Variants in AFF2 observed in about 807,000 individuals in gnomAD.
The protein encoded by AFF2 is AF4/FMR2 family member 2.
In AFF2, 14 loss-of-function variants were observed where a neutral mutation model predicts 76.9. The ratio of observed to expected loss-of-function variants is 0.18; its 90% CI spans 0.12 to 0.28. The LOEUF is 0.28. Ranked by LOEUF, AFF2 falls within the 10% of genes least tolerant of loss-of-function variation. The pLI, the probability that AFF2 is intolerant of heterozygous loss-of-function variation, is 1.00. For missense variants in AFF2, 868 were observed against 1,001.1 expected, an observed-to-expected ratio of 0.87 and a Z score of 1.79; for synonymous variants, 398 against 366.7, an observed-to-expected ratio of 1.09 and a Z score of -0.98.
chrX:148,788,107 A>G (rs782224752), intron 3 of AFF2, among the ~76,000 whole-genome samples: 22 of 111,604 alleles, frequency 2.0e-4, no homozygotes, highest in Non-Finnish European at 3.6e-4. Context: ...CTAAAAGTTG[A>G]TCTATATCTC....
intron 7 of AFF2, among the ~76,000 whole-genome samples, chrX:148,849,441 C>T (rs782724506): frequency 5.7e-5 from 5 of 88,360 alleles, no homozygotes; most frequent in African/African-American, 1.7e-4. Context: ...AGGCAAACAT[C>T]GCTTCCTTTC....
chrX:148,830,047 G>C lies in AFF2; in HGVS notation c.1087-7600G>C, dbSNP rs782389711. On this transcript the variant is annotated intron_variant, in intron 4 of 20. Transcript: ENST00000370460. ...TGTATACATGAGATGAGCTTTCCAA[G>C]CTCTTACCATTCAGATAGCTGTCCC... Among the ~76,000 whole-genome samples the C allele has an allele frequency of 2.7e-5, 3 of 112,129 alleles. No homozygotes were observed. In the East Asian group the frequency reaches 8.5e-4, roughly 32 times the overall value.
rs186374418 is a variant in AFF2 at position 148,948,323 on chromosome X, A to G, written c.1398-5257A>G. 3.0e-3 allele frequency among the ~76,000 whole-genome samples: 333 copies of G among 112,019 alleles called. 3 individuals carry two copies. Among genetic ancestry groups the G allele is most frequent in the African/African-American group, 9.9e-3 (305 of 30,824 alleles). On this transcript the variant is annotated intron_variant, in intron 9 of 20. Transcript: ENST00000370460. Reference sequence around the variant, plus strand: ...ACAGGACATTCCTAGACTTGCCTTAAGGAGCAGATTGGATTGCACAAATGC... The same window carrying G: ...ACAGGACATTCCTAGACTTGCCTTAGGGAGCAGATTGGATTGCACAAATGC...
intron 3 of AFF2, among the ~76,000 whole-genome samples, chrX:148,806,679 G>A (rs1422494210): frequency 8.9e-6 from 1 of 111,760 alleles, no homozygotes; most frequent in Non-Finnish European, 1.9e-5. Flanking sequence ...CTGATGAATA[G>A]GCGGACAGGC....
chrX:148,941,666 A>G (rs1188198149), intron 9 of AFF2, among the ~76,000 whole-genome samples: 1 of 112,312 alleles, frequency 8.9e-6, no homozygotes, highest in Non-Finnish European at 1.9e-5. Context: ...CATTTTGTCA[A>G]TGAAACTGAA....
chrX:148,756,322 T>G, intron 3 of AFF2, among the ~76,000 whole-genome samples: 1 of 112,436 alleles, frequency 8.9e-6, no homozygotes, highest in East Asian at 2.8e-4. Flanking sequence ...GTAAGAACAG[T>G]TAGCAAATTA....
intron 15 of AFF2, among the ~76,000 whole-genome samples, chrX:148,969,225 A>G (rs2072218170): frequency 1.8e-5 from 2 of 113,220 alleles, no homozygotes; most frequent in East Asian, 2.8e-4. Context: ...TCCATTTAGA[A>G]TATGCATTCC....
At chrX:148,742,502 A>G (rs1557265763) in intron 3 of AFF2, among the ~76,000 whole-genome samples, 1 of 111,819 alleles carries the variant, frequency 8.9e-6, no homozygotes, top group African/African-American at 3.2e-5. Context: ...TCTAAAATAA[A>G]TGTAAGCATT....
At chrX:148,675,188 A>G (rs1298919401) in intron 3 of AFF2, among the ~76,000 whole-genome samples, 1 of 110,968 alleles carries the variant, frequency 9.0e-6, no homozygotes, top group Non-Finnish European at 1.9e-5. Flanking sequence ...GTGATGTAGA[A>G]TGAAGGAGAA....
intron 3 of AFF2, among the ~76,000 whole-genome samples, chrX:148,806,854 G>C (rs781808496): frequency 8.9e-6 from 1 of 112,163 alleles, no homozygotes; most frequent in Non-Finnish European, 1.9e-5. Context: ...TTTGCACTGT[G>C]CTAGGCACGT....
At chrX:148,939,400 T>C (rs782380347) in intron 9 of AFF2, among the ~76,000 whole-genome samples, 1 of 111,917 alleles carries the variant, frequency 8.9e-6, no homozygotes, top group African/African-American at 3.2e-5. Context: ...TTCAGACTTT[T>C]TGCCTTTATA....
intron 8 of AFF2, among the ~76,000 whole-genome samples, chrX:148,896,229 G>A (rs1198801186): frequency 1.8e-5 from 2 of 111,906 alleles, no homozygotes; most frequent in Non-Finnish European, 3.8e-5. Flanking sequence ...ATCCTGAAGA[G>A]GGAGGAATCT....
intron 2 of AFF2, 92 bp downstream of exon 2, chrX:148,652,223 T>C (rs890759857): frequency 1.2e-5 from 8 of 674,647 alleles, no homozygotes; most frequent in Non-Finnish European, 1.8e-5. Flanking sequence ...ACCCAACTCA[T>C]TTCCAGGGGA....
At chrX:148,940,558 C>T (rs73614018) in intron 9 of AFF2, among the ~76,000 whole-genome samples, 5,276 of 111,626 alleles carry the variant, frequency 0.047, 304 homozygotes, top group African/African-American at 0.16. Context: ...TTACCACCTG[C>T]CTGTTTGTCA....
intron 7 of AFF2, among the ~76,000 whole-genome samples, chrX:148,859,294 T>C (rs1341808885): frequency 9.1e-6 from 1 of 109,634 alleles, no homozygotes. Flanking sequence ...GATTAAATAA[T>C]CTGTACAATA....
chrX:148,890,041 T>C (rs2071205011), intron 8 of AFF2, among the ~76,000 whole-genome samples: 1 of 112,082 alleles, frequency 8.9e-6, no homozygotes, highest in South Asian at 3.7e-4. Flanking sequence ...TACTTTCCCT[T>C]TTCTTGTAAG....
intron 1 of AFF2, among the ~76,000 whole-genome samples, chrX:148,632,592 G>A (rs1032821944): frequency 8.9e-6 from 1 of 111,759 alleles, no homozygotes. Flanking sequence ...TACTGTTGTT[G>A]AGATACTTAG....
At position 148,949,948 on chromosome X, in the gene AFF2, T is replaced by A. The variant is rs187960272; in HGVS notation, c.1398-3632T>A. 2.2e-4 allele frequency among the ~76,000 whole-genome samples: 25 copies of A among 112,711 alleles called. No homozygotes were observed. The East Asian group carries it at 4.7e-3, about 21-fold the overall frequency. ...AGAATCAAGTATTACATGGGCTAGC[T>A]TTACTCATAACCACTTTCATGTACA... On this transcript the variant is annotated intron_variant, in intron 9 of 20. Coordinates refer to ENST00000370460, the MANE Select transcript of AFF2 (RefSeq NM_002025.4).
chrX:148,745,271 T>C (rs1453580017), intron 3 of AFF2, among the ~76,000 whole-genome samples: 3 of 111,796 alleles, frequency 2.7e-5, no homozygotes, highest in African/African-American at 9.8e-5. Flanking sequence ...TTCCTACAAG[T>C]TCTAAAATTG....
Sources: allele counts gnomAD v4.1 joint callset (sites outside exome capture counted in the v4.1 genomes callset), GRCh38; gene constraint gnomAD v4.1.1; transcripts MANE v1.5; gene names NCBI Gene and HGNC (gene_info 2026-07-23, HGNC 2026-07-21).